ARHGAP24: variants seen among roughly 807,000 people sequenced by gnomAD.
ARHGAP24 encodes Rho GTPase activating protein 24.
In ARHGAP24, 50 loss-of-function variants were observed where a neutral mutation model predicts 76.4. The ratio of observed to expected loss-of-function variants is 0.65; its 90% CI spans 0.52 to 0.83. The LOEUF (loss-of-function observed/expected upper bound fraction) is 0.83, where lower values mean the gene tolerates loss of function less well. Among genes scored for constraint, ARHGAP24 ranks in the 40% least tolerant of loss-of-function variants. The pLI is 0.00. For missense variants in ARHGAP24, 930 were observed against 914.2 expected (o/e 1.02, Z -0.22); for synonymous variants, 345 against 323.3 (o/e 1.07, Z -0.72).
chr4:85,921,539 G>T (rs374558628), intron 3 of ARHGAP24, among the ~76,000 whole-genome samples: 1 of 140,070 alleles, frequency 7.1e-6, no homozygotes, highest in Non-Finnish European at 1.5e-5. Flanking sequence ...TAAAATAAAA[G>T]TTTTTTTAAA....
Position 85,995,685 on chromosome 4 carries a change from CCAGAGAGGGCT to C in ARHGAP24, c.2003+32_2003+42del, listed in dbSNP as rs752474444. On this transcript the variant is annotated intron_variant, in intron 9 of 9. Transcript: ENST00000395184. Reference sequence around the variant, plus strand: ...AAGGAAAATCTGGAGGTCGTAACTACCAGAGAGGGCTCAGTAGCCTCCTACTGTGGGACAGG... The same window carrying C: ...AAGGAAAATCTGGAGGTCGTAACTACCAGTAGCCTCCTACTGTGGGACAGG... 6.2e-6 allele frequency: 10 copies of C among 1,601,370 alleles called. No individual in the cohort carries two copies. In the Admixed American group the frequency reaches 1.7e-4, roughly 27 times the overall value.
At chr4:85,766,122 G>A (rs1025137455) in intron 3 of ARHGAP24, among the ~76,000 whole-genome samples, 4 of 152,158 alleles carry the variant, frequency 2.6e-5, no homozygotes, top group South Asian at 2.1e-4. Flanking sequence ...TTTAGAGCCC[G>A]GGGAGGAAAA....
At chr4:85,929,049 A>G (rs1736172585) in intron 4 of ARHGAP24, among the ~76,000 whole-genome samples, 1 of 152,142 alleles carries the variant, frequency 6.6e-6, no homozygotes, top group Non-Finnish European at 1.5e-5. Context: ...GAAATAAGAA[A>G]ATTAGAAGAA....
At chr4:85,675,641 T>G (rs554738409) in intron 2 of ARHGAP24, among the ~76,000 whole-genome samples, 7 of 152,330 alleles carry the variant, frequency 4.6e-5, no homozygotes. Flanking sequence ...TCCCAGCTCC[T>G]GGAAAAGTGA....
chr4:85,894,986 AAACAAAACAAAAAGC>A (rs1560701665), intron 3 of ARHGAP24, among the ~76,000 whole-genome samples: 3 of 15,448 alleles, frequency 1.9e-4, no homozygotes, highest in African/African-American at 2.7e-4. Flanking sequence ...AAAAAAAAAA[AAACAAAACAAAAAGC>A]AAAAAAAAAA....
At chr4:85,856,358 T>C (rs1731563861) in intron 3 of ARHGAP24, among the ~76,000 whole-genome samples, 1 of 152,096 alleles carries the variant, frequency 6.6e-6, no homozygotes, top group Non-Finnish European at 1.5e-5. Context: ...ACTAAGAACA[T>C]TTGATATTTT....
At chr4:85,847,501 G>A (rs572747304) in intron 3 of ARHGAP24, among the ~76,000 whole-genome samples, 9 of 152,294 alleles carry the variant, frequency 5.9e-5, no homozygotes, top group East Asian at 3.9e-4. Context: ...AAAAAAGAAC[G>A]GGTGGAGGAA....
intron 2 of ARHGAP24, among the ~76,000 whole-genome samples, chr4:85,677,356 C>A (rs1723020847): frequency 6.6e-6 from 1 of 152,184 alleles, no homozygotes. Flanking sequence ...GTTTGCTACC[C>A]AACCTAGTTA....
At chr4:85,883,453 C>T (rs958550436) in intron 3 of ARHGAP24, among the ~76,000 whole-genome samples, 1 of 152,074 alleles carries the variant, frequency 6.6e-6, no homozygotes, top group African/African-American at 2.4e-5. Context: ...ACTGTTCCAA[C>T]TAGTAGGAAT....
chr4:85,600,494 G>A (rs1464186920), intron 2 of ARHGAP24, among the ~76,000 whole-genome samples: 2 of 152,120 alleles, frequency 1.3e-5, no homozygotes, highest in Non-Finnish European at 2.9e-5. Context: ...GGGAGATGGG[G>A]CATTCACCTT....
chr4:85,659,521 A>T (rs1209240479), intron 2 of ARHGAP24, among the ~76,000 whole-genome samples: 1 of 152,212 alleles, frequency 6.6e-6, no homozygotes, highest in Non-Finnish European at 1.5e-5. Flanking sequence ...TGGTATTTCA[A>T]CATATATAAA....
At chr4:85,701,092 T>C (rs997137509) in intron 2 of ARHGAP24, among the ~76,000 whole-genome samples, 1 of 152,148 alleles carries the variant, frequency 6.6e-6, no homozygotes, top group Non-Finnish European at 1.5e-5. Flanking sequence ...GTCATTATAA[T>C]TACAGAATTT....
chr4:85,977,735 A>G (rs1163537689), intron 8 of ARHGAP24, 44 bp downstream of exon 8: 2 of 1,604,914 alleles, frequency 1.2e-6, no homozygotes, highest in Admixed American at 3.3e-5. Context: ...AGAAGAAGTA[A>G]TTATCTCTTG....
At chr4:85,868,983 A>G (rs1008643237) in intron 3 of ARHGAP24, among the ~76,000 whole-genome samples, 13 of 151,992 alleles carry the variant, frequency 8.6e-5, no homozygotes, top group Non-Finnish European at 1.9e-4. Flanking sequence ...TCATATATCT[A>G]TCATACTTGT....
chr4:85,864,233 A>C (rs1015763882), intron 3 of ARHGAP24, among the ~76,000 whole-genome samples: 6 of 152,082 alleles, frequency 3.9e-5, no homozygotes, highest in Non-Finnish European at 5.9e-5. Context: ...GCTGCTTTTC[A>C]TTAAAAAGAA....
chr4:85,662,814 G>C (rs890328417), intron 2 of ARHGAP24, among the ~76,000 whole-genome samples: 1 of 152,156 alleles, frequency 6.6e-6, no homozygotes, highest in African/African-American at 2.4e-5. Flanking sequence ...GTTTGTCAAA[G>C]ATCAGATAGT....
chr4:85,950,684 T>TTTTTTC lies in ARHGAP24; in HGVS notation c.599+8416_599+8417insCTTTTT, dbSNP rs1316591052. 1.3e-4 allele frequency among the ~76,000 whole-genome samples: 3 copies of TTTTTTC among 23,804 alleles called. No individual in the cohort carries two copies. In the East Asian group the frequency reaches 0.014, roughly 114 times the overall value. 15.6% of individuals were successfully genotyped at this position (23,804 alleles called of 152,430 possible). A position where few individuals can be genotyped will look rare whatever the true frequency, so the allele number is the denominator to read the frequency against. ...TCTTTTTCTTCTTTTTTCTTTTTTCTTTTTTTTTTAAGAGTCTCCCTCTGT... is the reference window on the plus strand; with the variant it reads ...TCTTTTTCTTCTTTTTTCTTTTTTCTTTTTTCTTTTTTTTTAAGAGTCTCCCTCTGT... On this transcript the variant is annotated intron_variant, in intron 5 of 9. Transcript: ENST00000395184.
intron 1 of ARHGAP24, among the ~76,000 whole-genome samples, chr4:85,529,980 T>C (rs530331988): frequency 7.2e-5 from 11 of 152,118 alleles, no homozygotes; most frequent in African/African-American, 2.4e-4. Context: ...TGTCAGATAC[T>C]AGAGTGATAT....
At chr4:85,631,909 T>C (rs893957886) in intron 2 of ARHGAP24, among the ~76,000 whole-genome samples, 1 of 152,060 alleles carries the variant, frequency 6.6e-6, no homozygotes, top group African/African-American at 2.4e-5. Context: ...TTTACCTAGC[T>C]ATTCAAAAAA....
Sources: allele counts gnomAD v4.1 joint callset (sites outside exome capture counted in the v4.1 genomes callset), GRCh38; gene constraint gnomAD v4.1.1; transcripts MANE v1.5; gene names NCBI Gene and HGNC (gene_info 2026-07-23, HGNC 2026-07-21).